Variants in ZNF486 observed in about 807,000 individuals in gnomAD.
The protein encoded by ZNF486 is KRAB box only protein 2.
A neutral mutation model predicts 12.8 loss-of-function variants in ZNF486; 12 were observed. The observed-to-expected ratio is 0.94, with a 90% CI of 0.60 to 1.52. The LOEUF (loss-of-function observed/expected upper bound fraction) is 1.52, where lower values mean the gene tolerates loss of function less well. Ranked by LOEUF, ZNF486 falls within the 40% of genes most tolerant of loss-of-function variation. ZNF486 has a pLI of 0.00. For synonymous variants in ZNF486, 231 were observed against 184.9 expected, an observed-to-expected ratio of 1.25 and a Z score of -2.02; for missense variants, 738 against 545.0, an observed-to-expected ratio of 1.35 and a Z score of -3.53.
At chr19:20,196,509 T>C (rs1165555700) in intron 3 of ZNF486, among the ~76,000 whole-genome samples, 1 of 152,162 alleles carries the variant, frequency 6.6e-6, no homozygotes, top group Non-Finnish European at 1.5e-5. Context: ...TTTGTAATTT[T>C]AGTAGAGATG....
At position 20,191,441 on chromosome 19, in the gene ZNF486, T is replaced by A. The variant is rs547549743; in HGVS notation, c.253+5359T>A. Among the ~76,000 whole-genome samples, 58 of 137,970 alleles carry A rather than the reference T, an allele frequency of 4.2e-4. 1 individual carries two copies. Among genetic ancestry groups the A allele is most frequent in the Non-Finnish European group, 9.2e-5 (6 of 65,282 alleles). The allele number at this position is 137,970 out of a possible 152,430, so 90.5% of individuals were successfully genotyped here. ...GAGATTGCTCTACTGCACTCCAGCC[T>A]GGGCGACAGCGAGATTCCTTCAAAA... On this transcript the variant is annotated intron_variant, in intron 3 of 3. Transcript: ENST00000335117.
intron 3 of ZNF486, among the ~76,000 whole-genome samples, chr19:20,189,006 A>G (rs982307215): frequency 6.6e-6 from 1 of 152,130 alleles, no homozygotes; most frequent in Non-Finnish European, 1.5e-5. Flanking sequence ...GGTTGCTTCA[A>G]CCTTTTGGCT....
rs1599721012 is a variant in ZNF486, at chr19:20,198,012, C to A, written c.1302C>A (p.Tyr434Ter). 1.2e-6 allele frequency: 2 copies of A among 1,613,378 alleles called. No individual in the cohort carries two copies. Among genetic ancestry groups the A allele is most frequent in the Non-Finnish European group, 1.7e-6 (2 of 1,179,596 alleles). ...CAACTCATACTGGAGAGAAACCTTA[C>A]AAATGTAAAGAATGTGGCAAAGCTT... Reference protein sequence around the residue: ...HKTTHTGEKPYKCKECGKAFN... With the variant: ...HKTTHTGEKP The change falls in exon 4 of 4, where the codon TAC becomes TAA. Residue 434 changes from tyrosine to a stop codon, truncating the protein, a stop_gained. Transcript: ENST00000335117. LOFTEE classifies it low-confidence loss of function (END_TRUNC).
At chr19:20,192,142 C>A (rs2089909030) in intron 3 of ZNF486, among the ~76,000 whole-genome samples, 1 of 152,058 alleles carries the variant, frequency 6.6e-6, no homozygotes, top group South Asian at 2.1e-4. Flanking sequence ...ATTGTGACCA[C>A]CTCACTCAAT....
intron 1 of ZNF486, 32 bp downstream of exon 1, chr19:20,167,392 GGGAGGGACTGGTTGATGGGAAGTGGCTGT>G (rs2089595653): frequency 3.1e-6 from 5 of 1,609,116 alleles, no homozygotes; most frequent in Non-Finnish European, 2.5e-6. Context: ...CCTGAGAGAG[GGGAGGGACTGGTTGATGGGAAGTGGCTGT>G]GGAGGGACTC....
chr19:20,172,326 A>G (rs1163267447), intron 1 of ZNF486, among the ~76,000 whole-genome samples: 1 of 147,812 alleles, frequency 6.8e-6, no homozygotes, highest in Non-Finnish European at 1.5e-5. Context: ...TTTTTTTGAG[A>G]GAGAGTTTTG....
chr19:20,181,402 G>A (rs1467897415), intron 1 of ZNF486, among the ~76,000 whole-genome samples: 4 of 152,216 alleles, frequency 2.6e-5, no homozygotes, highest in South Asian at 2.1e-4. Flanking sequence ...AGCTGGGTGT[G>A]GTGGTGGGCG....
chr19:20,197,240 C>T lies in ZNF486; in HGVS notation c.530C>T (p.Thr177Ile), dbSNP rs782362207. ...TCAAAGAGACATAAAAGAAGACATA[C>T]TGAAAAAAAACCTTTGAAATATATA... is the stretch of plus-strand genomic sequence containing the variant. ...SNSKRHKRRH[T>I]EKKPLKYIEG... is the part of the protein sequence containing the mutation. The change falls in exon 4 of 4, where the codon ACT becomes ATT. Residue 177 changes from threonine to isoleucine, a missense_variant. Coordinates refer to ENST00000335117, the MANE Select transcript of ZNF486 (RefSeq NM_052852.4). 5 of 1,611,502 alleles carry T rather than the reference C, an allele frequency of 3.1e-6. No individual in the cohort carries two copies. Among genetic ancestry groups the T allele is most frequent in the Non-Finnish European group, 4.2e-6 (5 of 1,179,352 alleles).
chr19:20,189,354 G>A (rs1555716890), intron 3 of ZNF486, among the ~76,000 whole-genome samples: 2 of 152,308 alleles, frequency 1.3e-5, no homozygotes, highest in African/African-American at 4.8e-5. Flanking sequence ...ACAGGCTTGA[G>A]CACCTGGGCC....
chr19:20,184,776 A>G (rs1222064431), intron 2 of ZNF486, among the ~76,000 whole-genome samples: 1 of 152,112 alleles, frequency 6.6e-6, no homozygotes, highest in Non-Finnish European at 1.5e-5. Context: ...CATTGCCACC[A>G]TCAGTTTTTG....
rs564960820 is a variant in ZNF486 at position 20,171,410 on chromosome 19, C to T, written c.30+4050C>T. ...TAGACATTAACGTGTCCACACTCCT[C>T]CCAGGACTAGGCATCACCCTCAGAA... On this transcript the variant is annotated intron_variant, in intron 1 of 3. Transcript: ENST00000335117. Among the ~76,000 whole-genome samples the T allele has an allele frequency of 1.7e-3, 263 of 152,344 alleles. 1 individual carries two copies. Among genetic ancestry groups the T allele is most frequent in the African/African-American group, 6.1e-3 (253 of 41,588 alleles).
intron 1 of ZNF486, among the ~76,000 whole-genome samples, chr19:20,180,507 C>A (rs782359016): frequency 4.6e-5 from 7 of 152,128 alleles, no homozygotes; most frequent in South Asian, 2.1e-4. Context: ...TTTATTTAGG[C>A]CACTTTATGC....
intron 1 of ZNF486, among the ~76,000 whole-genome samples, chr19:20,172,339 C>T (rs1033085846): frequency 4.0e-5 from 6 of 151,030 alleles, no homozygotes; most frequent in Admixed American, 4.0e-4. Context: ...GAGTTTTGCT[C>T]TTGTTGCCCA....
Position 20,197,646 on chromosome 19 carries a change from T to G in ZNF486, c.936T>G (p.His312Gln). Residue 312 changes from histidine to glutamine, a missense_variant, in exon 4 of 4, where the codon CAT becomes CAG. Physicochemically the swap from His to Gln is conservative, Grantham distance 24 (BLOSUM62 0). Coordinates refer to ENST00000335117, the MANE Select transcript of ZNF486 (RefSeq NM_052852.4). ...AFNHPATLSS[H>Q]KKIHTGEKPY... The stretch of plus-strand genomic sequence containing the variant: ...ACCATCCTGCAACTCTTTCTTCACA[T>G]AAGAAAATTCATACTGGAGAGAAAC... 6 of 1,613,788 alleles carry G rather than the reference T, an allele frequency of 3.7e-6. No homozygotes were observed. Among genetic ancestry groups the G allele is most frequent in the Admixed American group, 1.7e-5 (1 of 59,984 alleles).
chr19:20,197,874 A>G lies in ZNF486; in HGVS notation c.1164A>G (p.Thr388=), dbSNP rs782775386. Reference sequence around the variant, plus strand: ...GTGAAGAATGTGGCAAAGCCTTTACATGGTCTGCAGGCCTCCATAAACATA... The same window carrying G: ...GTGAAGAATGTGGCAAAGCCTTTACGTGGTCTGCAGGCCTCCATAAACATA... ...YKCEECGKAF[T]WSAGLHKHRR... is the part of the protein sequence containing the mutation. The change falls in exon 4 of 4, where the codon ACA becomes ACG. Residue 388 remains threonine, a synonymous_variant. Transcript: ENST00000335117. 5.0e-6 allele frequency: 8 copies of G among 1,612,560 alleles called. No homozygotes were observed. The highest frequency in any genetic ancestry group is 1.6e-4 in the Middle Eastern group (1 of 6,080).
chr19:20,184,071 T>A (rs571541671), intron 1 of ZNF486, among the ~76,000 whole-genome samples: 1 of 152,334 alleles, frequency 6.6e-6, no homozygotes, highest in African/African-American at 2.4e-5. Flanking sequence ...GATGTAAATA[T>A]AGCACTCAAA....
rs781800068 is a variant in ZNF486 at position 20,197,042 on chromosome 19, A to G, written c.332A>G (p.Lys111Arg). Reference sequence around the variant, plus strand: ...TCTTACCAAAAAGTGATACTGAGAAAATTTGAAAAATGTGGACATGGCAAT... The same window carrying G: ...TCTTACCAAAAAGTGATACTGAGAAGATTTGAAAAATGTGGACATGGCAAT... Reference protein sequence around the residue: ...KDSYQKVILRKFEKCGHGNLH... With the variant: ...KDSYQKVILRRFEKCGHGNLH... Residue 111 changes from lysine to arginine, a missense_variant, in exon 4 of 4, where the codon AAA becomes AGA. Coordinates refer to ENST00000335117, the MANE Select transcript of ZNF486 (RefSeq NM_052852.4). The G allele has an allele frequency of 8.7e-6, 14 of 1,610,740 alleles. No individual in the cohort carries two copies. The highest frequency in any genetic ancestry group is 1.2e-5 in the Non-Finnish European group (14 of 1,179,312).
Position 20,188,471 on chromosome 19 carries a change from C to G in ZNF486, c.253+2389C>G, listed in dbSNP as rs1329818933. The G allele has an allele frequency of 1.0e-5, 4 of 398,324 alleles. No homozygotes were observed. The East Asian group carries it at 1.4e-4, about 14-fold the overall frequency. The allele number at this position is 398,324 out of a possible 1,614,324, so 24.7% of individuals were successfully genotyped here. A position where few individuals can be genotyped will look rare whatever the true frequency, so the allele number is the denominator to read the frequency against. ...GGCCAACACAGGAGGATCCCTGGAG[C>G]CCAAAAGTTTGAGACCAGCCTGGGA... On this transcript the variant is annotated intron_variant, in intron 3 of 3. Transcript: ENST00000335117.
intron 2 of ZNF486, among the ~76,000 whole-genome samples, 168 bp from the exon 3 acceptor site, chr19:20,185,819 A>C (rs2089837382): frequency 6.6e-6 from 1 of 151,818 alleles, no homozygotes; most frequent in Non-Finnish European, 1.5e-5. Flanking sequence ...AAAAAAAAGA[A>C]ACCTTAAAGT....
Sources: gnomAD v4.1 joint callset for allele counts (sites outside exome capture counted in the v4.1 genomes callset) on GRCh38, gnomAD v4.1.1 for gene constraint, MANE v1.5 for transcripts, NCBI Gene and HGNC (gene_info 2026-07-23, HGNC 2026-07-21) for gene names.